BSPRY: variants seen among roughly 807,000 people sequenced by gnomAD.
BSPRY encodes B-box and SPRY domain containing.
In BSPRY, 33 loss-of-function variants were observed where a neutral mutation model predicts 38.0. The observed-to-expected ratio is 0.87, with a 90% confidence interval of 0.66 to 1.16. BSPRY has a LOEUF of 1.16. Ranked by LOEUF, BSPRY falls within the 50% of genes most tolerant of loss-of-function variation. BSPRY has a pLI of 0.00. For synonymous variants in BSPRY, 224 were observed against 228.5 expected (o/e 0.98, Z 0.18); for missense variants, 523 against 533.2 (o/e 0.98, Z 0.19).
At chr9:113,361,574 AAG>A (rs1834153511) in intron 3 of BSPRY, among the ~76,000 whole-genome samples, 1 of 152,164 alleles carries the variant, frequency 6.6e-6, no homozygotes, top group Non-Finnish European at 1.5e-5. Context: ...GGCTAGGGGA[AAG>A]AGGGGTCAGG....
At chr9:113,357,719 T>TGAGA (rs1834082544) in intron 2 of BSPRY, among the ~76,000 whole-genome samples, 2 of 151,446 alleles carry the variant, frequency 1.3e-5, no homozygotes, top group Non-Finnish European at 1.5e-5. Context: ...TATTTCTTTC[T>TGAGA]CTTTTTTTAG....
chr9:113,370,261 A>G lies in BSPRY; in HGVS notation c.*119A>G. 8.1e-7 allele frequency: 1 copy of G among 1,236,840 alleles called. No individual in the cohort carries two copies. Among genetic ancestry groups the G allele is most frequent in the Non-Finnish European group, 1.1e-6 (1 of 899,996 alleles). 76.6% of individuals were successfully genotyped at this position (1,236,840 alleles called of 1,614,324 possible). A position where few individuals can be genotyped will look rare whatever the true frequency, so the allele number is the denominator to read the frequency against. ...TCTAAGAGAAACAGGGCCCATAACC[A>G]GTGGGCAGCTTTAGGAGGGATGGGG... is the stretch of plus-strand genomic sequence containing the variant. On this transcript the variant is annotated 3_prime_UTR_variant, in exon 6 of 6. Transcript: ENST00000374183. This position sits in a 1 kb window ranked among gnomAD's most constrained non-coding sequence, Gnocchi z 4.8.
chr9:113,362,243 C>G (rs7041125), intron 3 of BSPRY, 126 bp from the exon 4 acceptor site: 263,171 of 800,658 alleles, frequency 0.33, 47,130 homozygotes, highest in African/African-American at 0.63. Flanking sequence ...TTATGCTGGT[C>G]TTAAAGACTA....
rs1194368504 is a variant in BSPRY, at chr9:113,370,103, C to A, written c.1170C>A (p.Val390=). The change falls in exon 6 of 6, where the codon GTC becomes GTA. Residue 390 remains valine (V), a synonymous_variant. Coordinates refer to ENST00000374183, the MANE Select transcript of BSPRY (RefSeq NM_017688.3). The surrounding 1 kb of genome is among the most constrained non-coding windows in gnomAD (Gnocchi z 4.8). ...HVSFPGPLFP[V]FAVADQTISI... ...CCTTCCCGGGGCCCCTCTTCCCAGT[C>A]TTTGCTGTGGCCGATCAGACCATTT... The A allele has an allele frequency of 2.6e-5, 41 of 1,601,646 alleles. No homozygotes were observed. Among genetic ancestry groups the A allele is most frequent in the Non-Finnish European group, 3.3e-5 (39 of 1,174,058 alleles).
rs369616461 is a variant in BSPRY at position 113,362,390 on chromosome 9, G to C, written c.553G>C (p.Glu185Gln). The C allele has an allele frequency of 6.2e-7, 1 of 1,614,082 alleles. No homozygotes were observed. The highest frequency in any genetic ancestry group is 8.5e-7 in the Non-Finnish European group (1 of 1,180,014). ...QLIQKEQEIF[E>Q]RTEEAEGILD... ...ACAGCAGAAGGAGCAAGAGATTTTC[G>C]AGAGGTGAGTATAGACCCCGTGATT... The change falls in exon 4 of 6, where the codon GAG (glutamate) becomes CAG (glutamine). Residue 185 changes from glutamate to glutamine, a missense_variant. Glu to Gln is a conservative substitution (Grantham distance 29, BLOSUM62 2). Coordinates refer to ENST00000374183, the MANE Select transcript of BSPRY (RefSeq NM_017688.3).
intron 3 of BSPRY, among the ~76,000 whole-genome samples, chr9:113,361,933 C>T (rs1834159289): frequency 6.6e-6 from 1 of 152,232 alleles, no homozygotes; most frequent in African/African-American, 2.4e-5. Context: ...AGGGCAGTTT[C>T]TATGACTGCT....
At chr9:113,365,697 GCA>G in intron 4 of BSPRY, among the ~76,000 whole-genome samples, 2 of 150,910 alleles carry the variant, frequency 1.3e-5, no homozygotes, top group African/African-American at 4.9e-5. Context: ...AGCTCACTCA[GCA>G]TATAGCAGAT....
At chr9:113,358,806 ACAGTACAAC>A (rs1272967495) in intron 2 of BSPRY, among the ~76,000 whole-genome samples, 1 of 152,174 alleles carries the variant, frequency 6.6e-6, no homozygotes, top group East Asian at 1.9e-4. Flanking sequence ...CCAGGATCAC[ACAGTACAAC>A]CATGGTTTCA....
intron 5 of BSPRY, 118 bp downstream of exon 5, chr9:113,368,501 C>T: frequency 7.3e-7 from 1 of 1,368,684 alleles, no homozygotes; most frequent in Non-Finnish European, 1.0e-6. Flanking sequence ...TTAAACAAGT[C>T]ATGCTGGATG....
intron 1 of BSPRY, among the ~76,000 whole-genome samples, chr9:113,352,642 G>A (rs1833990774): frequency 6.6e-6 from 1 of 152,220 alleles, no homozygotes; most frequent in Admixed American, 6.5e-5. Context: ...CATCAGGTGG[G>A]GCTAGGTTGG....
In BSPRY at chr9:113,369,602, A is replaced by G; in HGVS notation, c.683-14A>G. ...GGGTGGGCCCTCGGCAACTCTGAGA[A>G]TTCTTTCTGGCAGGCACAGAGGACA... On this transcript the variant is annotated splice_polypyrimidine_tract_variant and intron_variant, in intron 5 of 5. Coordinates refer to ENST00000374183, the MANE Select transcript of BSPRY (RefSeq NM_017688.3). The G allele has an allele frequency of 6.3e-7, 1 of 1,591,584 alleles. No individual in the cohort carries two copies.
chr9:113,357,563 C>T (rs1343210786), intron 2 of BSPRY, among the ~76,000 whole-genome samples: 3 of 152,062 alleles, frequency 2.0e-5, no homozygotes, highest in Non-Finnish European at 1.5e-5. Flanking sequence ...GATTGGAAAA[C>T]AGAACTCTTT....
chr9:113,363,598 T>G (rs1334983584), intron 4 of BSPRY, among the ~76,000 whole-genome samples: 1 of 151,966 alleles, frequency 6.6e-6, no homozygotes, highest in African/African-American at 2.4e-5. Flanking sequence ...TTAAAAATGT[T>G]TTTTAGGCCC....
At chr9:113,353,506 C>T (rs1278644347) in intron 1 of BSPRY, among the ~76,000 whole-genome samples, 1 of 152,070 alleles carries the variant, frequency 6.6e-6, no homozygotes, top group African/African-American at 2.4e-5. Flanking sequence ...AGTTCGAAAC[C>T]AGCCTGGCCA....
At chr9:113,356,810 G>C (rs988491933) in intron 2 of BSPRY, among the ~76,000 whole-genome samples, 8 of 152,186 alleles carry the variant, frequency 5.3e-5, no homozygotes, top group Non-Finnish European at 1.0e-4. Flanking sequence ...TGAACTGGGT[G>C]GGGGAAGGAC....
At chr9:113,349,890 C>G (rs894150227) in intron 1 of BSPRY, 110 bp downstream of exon 1, 4 of 1,178,614 alleles carry the variant, frequency 3.4e-6, no homozygotes, top group Non-Finnish European at 4.2e-6. Flanking sequence ...GACACCCGGC[C>G]CCGGAGCCTA....
Position 113,369,889 on chromosome 9 carries a change from G to A in BSPRY, c.956G>A (p.Gly319Asp). The A allele has an allele frequency of 6.2e-7, 1 of 1,614,248 alleles. No individual in the cohort carries two copies. The highest frequency in any genetic ancestry group is 1.7e-5 in the Admixed American group (1 of 60,026). Reference sequence around the variant, plus strand: ...GGTTCTGGCAGTGACTGCCGTCTGGGCCACAATGCCTTCTCCTGGGTCTTC... The same window carrying A: ...GGTTCTGGCAGTGACTGCCGTCTGGACCACAATGCCTTCTCCTGGGTCTTC... ...RKGSGSDCRL[G>D]HNAFSWVFSR... is the part of the protein sequence containing the mutation. The change falls in exon 6 of 6, where the codon GGC (glycine) becomes GAC (aspartate). Residue 319 changes from glycine to aspartate, a missense_variant. Physicochemically the swap from Gly to Asp is moderately conservative, Grantham distance 94 (BLOSUM62 -1). Coordinates refer to ENST00000374183, the MANE Select transcript of BSPRY (RefSeq NM_017688.3).
Position 113,368,472 on chromosome 9 carries a change from G to A in BSPRY, c.682+89G>A, listed in dbSNP as rs150538655. On this transcript the variant is annotated intron_variant, in intron 5 of 5. Transcript: ENST00000374183. ...CACTCCTGGTTCACAATGGGGACCC[G>A]TGCTTCTGAGATGATAGCTTAAACA... 49 of 1,502,140 alleles carry A rather than the reference G, an allele frequency of 3.3e-5. No individual in the cohort carries two copies. In the South Asian group the frequency reaches 3.7e-4, roughly 11 times the overall value. 93.1% of individuals were successfully genotyped at this position (1,502,140 alleles called of 1,614,324 possible). A position where few individuals can be genotyped will look rare whatever the true frequency, so the allele number is the denominator to read the frequency against.
rs749841740 is a variant in BSPRY, at chr9:113,369,963, C to T, written c.1030C>T (p.Pro344Ser). 9.3e-6 allele frequency: 15 copies of T among 1,614,004 alleles called. No individual in the cohort carries two copies. Among genetic ancestry groups the T allele is most frequent in the South Asian group, 8.8e-5 (8 of 91,080 alleles). Residue 344 changes from proline (P) to serine (S), a missense_variant, in exon 6 of 6, where the codon CCC becomes TCC. Physicochemically the swap from Pro to Ser is moderately conservative, Grantham distance 74. Transcript: ENST00000374183. ...TTTCTCACACAATGGGCAGCACGAG[C>T]CCCTGGGGCTGCTGCGGGGCCCAGC... ...FRFSHNGQHE[P>S]LGLLRGPAQL...
Sources: allele counts gnomAD v4.1 joint callset (sites outside exome capture counted in the v4.1 genomes callset), GRCh38; gene constraint gnomAD v4.1.1; non-coding constraint Gnocchi (gnomAD v3.1); transcripts MANE v1.5; gene names NCBI Gene and HGNC (gene_info 2026-07-23, HGNC 2026-07-21).